Variants in LPIN1 observed in about 807,000 individuals in gnomAD.
LPIN1 encodes phosphatidate phosphatase LPIN1.
A neutral mutation model predicts 107.5 loss-of-function variants in LPIN1; 71 were observed. The ratio of observed to expected loss-of-function variants is 0.66; its 90% confidence interval spans 0.55 to 0.80. The LOEUF is 0.80. Among genes scored for constraint, LPIN1 ranks in the 30% least tolerant of loss-of-function variants. LPIN1 has a pLI of 0.00. For synonymous variants in LPIN1, 445 were observed against 452.6 expected, an observed-to-expected ratio of 0.98 and a Z score of 0.21; for missense variants, 1,043 against 1,160.6, an observed-to-expected ratio of 0.90 and a Z score of 1.47.
At chr2:11,800,720 G>A (rs60181205) in intron 14 of LPIN1, among the ~76,000 whole-genome samples, 41,428 of 152,054 alleles carry the variant, frequency 0.27, 5,721 homozygotes, top group Non-Finnish European at 0.29. Flanking sequence ...AGGCAGTAAG[G>A]CGAGAGGAAG....
chr2:11,715,551 G>A (rs1352183789), intron 2 of LPIN1, among the ~76,000 whole-genome samples: 1 of 152,228 alleles, frequency 6.6e-6, no homozygotes, highest in Non-Finnish European at 1.5e-5. Flanking sequence ...CATTCCACAT[G>A]CGTACAGCAG....
intron 7 of LPIN1, 131 bp downstream of exon 7, chr2:11,779,776 G>GTTA (rs1673263412): frequency 9.5e-7 from 1 of 1,050,658 alleles, no homozygotes; most frequent in African/African-American, 1.6e-5. Context: ...TATATTAAGG[G>GTTA]TTAGCCTTGA....
chr2:11,789,492 A>G (rs761078210), intron 12 of LPIN1, among the ~76,000 whole-genome samples: 2 of 148,906 alleles, frequency 1.3e-5, no homozygotes, highest in Non-Finnish European at 3.0e-5. Flanking sequence ...GTGGATGTGC[A>G]CGTGTGTGCG....
chr2:11,694,562 T>C (rs886128854), intron 1 of LPIN1, among the ~76,000 whole-genome samples: 4 of 152,184 alleles, frequency 2.6e-5, no homozygotes, highest in African/African-American at 9.6e-5. Flanking sequence ...TCCTTGTGTA[T>C]GTATCTGAAG....
intron 18 of LPIN1, chr2:11,819,143 C>CT (rs1558309401): frequency 3.8e-6 from 1 of 266,038 alleles, no homozygotes; most frequent in Non-Finnish European, 7.3e-6. Context: ...CCCATACTTT[C>CT]TTTTTTTAGG....
chr2:11,796,862 G>A (rs1270802889), intron 14 of LPIN1, among the ~76,000 whole-genome samples: 1 of 152,210 alleles, frequency 6.6e-6, no homozygotes, highest in Non-Finnish European at 1.5e-5. Flanking sequence ...TGTAGCGGAA[G>A]CAGTCGACAT....
At chr2:11,730,814 A>G (rs1159952633) in intron 1 of LPIN1, among the ~76,000 whole-genome samples, 2 of 152,144 alleles carry the variant, frequency 1.3e-5, no homozygotes, top group African/African-American at 2.4e-5. Context: ...TTGGTTTGTC[A>G]GAGGAATACC....
At chr2:11,791,312 T>G (rs1336349233) in intron 12 of LPIN1, among the ~76,000 whole-genome samples, 1 of 152,230 alleles carries the variant, frequency 6.6e-6, no homozygotes, top group Non-Finnish European at 1.5e-5. Context: ...AGATAGGTAT[T>G]TTGTTCTTTG....
intron 10 of LPIN1, 64 bp downstream of exon 10, chr2:11,785,140 C>T (rs1674321664): frequency 2.3e-6 from 3 of 1,306,010 alleles, no homozygotes; most frequent in Non-Finnish European, 3.1e-6. Flanking sequence ...GAGGCTTAGG[C>T]TTCTCCAAGG....
rs1681310936 is a variant in LPIN1, at chr2:11,820,415, T to G, written c.2522T>G (p.Val841Gly). 6.3e-7 allele frequency: 1 copy of G among 1,590,078 alleles called. No individual in the cohort carries two copies. Among genetic ancestry groups the G allele is most frequent in the Non-Finnish European group, 8.6e-7 (1 of 1,158,170 alleles). ...AATCACCTTTACCAAATATAGGATG[T>G]GTATTCATACAAGCAAGTAGGAGTG... ...YAAFGNRPAD[V>G]YSYKQVGVSL... The change falls in exon 20 of 21, where the codon GTG (valine) becomes GGG (glycine). Residue 841 changes from valine to glycine, a missense_variant. Transcript: ENST00000674199.
At chr2:11,695,067 G>A (rs7606724) in intron 1 of LPIN1, among the ~76,000 whole-genome samples, 19,871 of 152,106 alleles carry the variant, frequency 0.13, 3,841 homozygotes, top group African/African-American at 0.43. Context: ...CAATTCAGTC[G>A]CTGCAGAATA....
chr2:11,693,135 G>A (rs1173497504), intron 1 of LPIN1, among the ~76,000 whole-genome samples: 3 of 151,886 alleles, frequency 2.0e-5, no homozygotes, highest in Admixed American at 6.6e-5. Context: ...CGGGGCACTC[G>A]TCCTCAAGGT....
intron 11 of LPIN1, among the ~76,000 whole-genome samples, 189 bp from the exon 12 acceptor site, chr2:11,788,198 G>A (rs917108539): frequency 1.3e-5 from 2 of 152,106 alleles, no homozygotes; most frequent in South Asian, 2.1e-4. Context: ...TCAACTGGCC[G>A]CTGGGGTGAG....
intron 1 of LPIN1, among the ~76,000 whole-genome samples, chr2:11,749,729 C>T (rs1667504195): frequency 1.3e-5 from 2 of 152,210 alleles, no homozygotes; most frequent in Non-Finnish European, 2.9e-5. Flanking sequence ...GCCGCTCCCA[C>T]TCCCAGCTGA....
chr2:11,819,229 CTTTG>C, intron 18 of LPIN1: 1 of 466,560 alleles, frequency 2.1e-6, no homozygotes. Flanking sequence ...CTCTGTCATT[CTTTG>C]TTCCCTGGAT....
At chr2:11,759,157 C>A (rs895900594) in intron 1 of LPIN1, among the ~76,000 whole-genome samples, 18 of 149,302 alleles carry the variant, frequency 1.2e-4, no homozygotes, top group African/African-American at 4.5e-4. Context: ...TTCTTTCTTT[C>A]TTTCTTTCTT....
chr2:11,719,890 C>T (rs148073826), upstream of LPIN1, among the ~76,000 whole-genome samples: 2 of 149,798 alleles, frequency 1.3e-5, no homozygotes, highest in South Asian at 2.1e-4. Flanking sequence ...TAATTGGAAT[C>T]GTATACAGAA....
chr2:11,732,121 A>C (rs554387541), intron 1 of LPIN1, among the ~76,000 whole-genome samples: 1 of 152,086 alleles, frequency 6.6e-6, no homozygotes, highest in East Asian at 1.9e-4. Context: ...TGCAATTGAC[A>C]AGCACAATTT....
chr2:11,726,704 G>T (rs1315550114), intron 1 of LPIN1, among the ~76,000 whole-genome samples: 4 of 152,132 alleles, frequency 2.6e-5, no homozygotes, highest in East Asian at 3.9e-4. Flanking sequence ...ATAAGCCATA[G>T]AATTGATTCA....
Sources: gnomAD v4.1 joint callset for allele counts (sites outside exome capture counted in the v4.1 genomes callset) on GRCh38, gnomAD v4.1.1 for gene constraint, MANE v1.5 for transcripts, NCBI Gene and HGNC (gene_info 2026-07-23, HGNC 2026-07-21) for gene names.